Variants in PLPPR1 observed in about 807,000 individuals in gnomAD.
The protein encoded by PLPPR1 is phospholipid phosphatase-related protein type 1.
A neutral mutation model predicts 33.1 loss-of-function variants in PLPPR1; 10 were observed. The observed-to-expected ratio is 0.30, with a 90% CI of 0.19 to 0.51. The LOEUF (loss-of-function observed/expected upper bound fraction) is 0.51, where lower values mean the gene tolerates loss of function less well. Among genes scored for constraint, PLPPR1 ranks in the 20% least tolerant of loss-of-function variants. PLPPR1 has a pLI of 0.97. For missense variants in PLPPR1, 304 were observed against 408.1 expected (o/e 0.74, Z 2.20); for synonymous variants, 151 against 151.0 (o/e 1.00, Z 0.00).
At chr9:101,144,797 C>A (rs1831501340) in intron 1 of PLPPR1, among the ~76,000 whole-genome samples, 1 of 152,182 alleles carries the variant, frequency 6.6e-6, no homozygotes, top group Non-Finnish European at 1.5e-5. Flanking sequence ...GTCTGAAGAA[C>A]ATTTTGCTAA....
intron 2 of PLPPR1, among the ~76,000 whole-genome samples, chr9:101,189,890 TTGGCACTC>T (rs150984375): frequency 0.015 from 2,284 of 152,262 alleles, 59 homozygotes; most frequent in African/African-American, 0.052. Flanking sequence ...TCTGAAAATA[TTGGCACTC>T]TGATCCTCCT....
intron 4 of PLPPR1, among the ~76,000 whole-genome samples, chr9:101,294,031 G>C (rs1055410623): frequency 2.0e-5 from 3 of 152,058 alleles, no homozygotes; most frequent in Non-Finnish European, 1.5e-5. Context: ...TTTTTGAAAG[G>C]ATCAACAAAA....
chr9:101,222,456 T>A (rs1327776627), intron 2 of PLPPR1, among the ~76,000 whole-genome samples: 1 of 152,140 alleles, frequency 6.6e-6, no homozygotes, highest in East Asian at 1.9e-4. Context: ...TTAAAGATGG[T>A]ATGAGGTGGG....
intron 1 of PLPPR1, among the ~76,000 whole-genome samples, chr9:101,154,663 G>A (rs537431176): frequency 7.3e-4 from 111 of 152,110 alleles, no homozygotes; most frequent in Middle Eastern, 3.4e-3. Context: ...ACATGCACAC[G>A]TATGTTTATT....
chr9:101,068,134 A>T (rs905205730), intron 1 of PLPPR1, among the ~76,000 whole-genome samples: 1 of 152,148 alleles, frequency 6.6e-6, no homozygotes, highest in Non-Finnish European at 1.5e-5. Context: ...ACATTTATTG[A>T]GCAAATACCA....
Position 101,218,846 on chromosome 9 carries a change from TG to T in PLPPR1, c.63+33292del, listed in dbSNP as rs528309167. ...ATTATAAAGATTTCACCAACAGAAATGGGAAAAGAATTACTGGAATGCTTTC... is the reference window on the plus strand; with the variant it reads ...ATTATAAAGATTTCACCAACAGAAATGGAAAAGAATTACTGGAATGCTTTC... On this transcript the variant is annotated intron_variant, in intron 2 of 7. Coordinates refer to ENST00000374874, the MANE Select transcript of PLPPR1 (RefSeq NM_207299.2). Among the ~76,000 whole-genome samples the T allele has an allele frequency of 2.2e-3, 339 of 152,070 alleles. 2 individuals carry two copies. The highest frequency in any genetic ancestry group is 0.013 in the South Asian group (62 of 4,810).
intron 2 of PLPPR1, among the ~76,000 whole-genome samples, chr9:101,203,693 G>T (rs778183324): frequency 1.5e-5 from 1 of 65,480 alleles, no homozygotes; most frequent in Admixed American, 1.7e-4. Flanking sequence ...ATACACATTA[G>T]ATACATTATA....
chr9:101,033,889 A>G (rs1307628169), intron 1 of PLPPR1, among the ~76,000 whole-genome samples: 2 of 152,202 alleles, frequency 1.3e-5, no homozygotes, highest in Non-Finnish European at 2.9e-5. Flanking sequence ...AAATGTATAA[A>G]TTACCAGGAT....
At chr9:101,055,113 A>G (rs1259122181) in intron 1 of PLPPR1, among the ~76,000 whole-genome samples, 1 of 152,264 alleles carries the variant, frequency 6.6e-6, no homozygotes, top group African/African-American at 2.4e-5. Flanking sequence ...TAAAATGGTT[A>G]TCATTAGGAT....
chr9:101,112,177 AC>A (rs1209247465), intron 1 of PLPPR1, among the ~76,000 whole-genome samples: 1 of 152,160 alleles, frequency 6.6e-6, no homozygotes, highest in Non-Finnish European at 1.5e-5. Context: ...TCACTTAGAA[AC>A]TTTTGTGTCA....
intron 2 of PLPPR1, among the ~76,000 whole-genome samples, chr9:101,224,746 C>T (rs1827026718): frequency 6.6e-6 from 1 of 152,270 alleles, no homozygotes; most frequent in South Asian, 2.1e-4. Flanking sequence ...TCTGGGTACT[C>T]TACCTTCCTT....
At chr9:101,087,364 T>C (rs1345134711) in intron 1 of PLPPR1, among the ~76,000 whole-genome samples, 2 of 152,206 alleles carry the variant, frequency 1.3e-5, no homozygotes, top group East Asian at 3.8e-4. Context: ...TTTATTCTGC[T>C]AGTCTTTTCT....
chr9:101,126,781 C>T (rs1196690783), intron 1 of PLPPR1, among the ~76,000 whole-genome samples: 1 of 152,104 alleles, frequency 6.6e-6, no homozygotes, highest in Non-Finnish European at 1.5e-5. Flanking sequence ...GTTTCTGTTC[C>T]TCACATTCAG....
At chr9:101,288,496 A>G (rs1462261754) in intron 4 of PLPPR1, among the ~76,000 whole-genome samples, 1 of 152,158 alleles carries the variant, frequency 6.6e-6, no homozygotes, top group Non-Finnish European at 1.5e-5. Flanking sequence ...AAAAGATAAC[A>G]TTTAAACTTT....
At chr9:101,313,048 A>C in intron 6 of PLPPR1, 74 bp downstream of exon 6, 1 of 1,350,016 alleles carries the variant, frequency 7.4e-7, no homozygotes, top group Non-Finnish European at 1.1e-6. Context: ...GGTTTCCCAG[A>C]CTTCACCATC....
intron 1 of PLPPR1, among the ~76,000 whole-genome samples, chr9:101,081,232 T>G (rs1007427127): frequency 6.6e-6 from 1 of 152,188 alleles, no homozygotes; most frequent in African/African-American, 2.4e-5. Context: ...TTTTATTTTT[T>G]TGAGACAGAG....
intron 2 of PLPPR1, among the ~76,000 whole-genome samples, chr9:101,243,992 G>C (rs748297949): frequency 1.3e-5 from 2 of 151,782 alleles, no homozygotes; most frequent in Non-Finnish European, 2.9e-5. Context: ...ATTGATGAAA[G>C]AGACTTGAGA....
chr9:101,072,275 T>C (rs1299898978), intron 1 of PLPPR1, among the ~76,000 whole-genome samples: 2 of 152,162 alleles, frequency 1.3e-5, no homozygotes, highest in Non-Finnish European at 2.9e-5. Context: ...GTCTTCCTTA[T>C]GTGTTGCGGC....
intron 2 of PLPPR1, among the ~76,000 whole-genome samples, chr9:101,207,323 C>T (rs1826608581): frequency 6.6e-6 from 1 of 152,092 alleles, no homozygotes; most frequent in South Asian, 2.1e-4. Context: ...ACCAGATTAC[C>T]TGCAGTATTA....
Sources: gnomAD v4.1 joint callset for allele counts (sites outside exome capture counted in the v4.1 genomes callset) on GRCh38, gnomAD v4.1.1 for gene constraint, MANE v1.5 for transcripts, NCBI Gene and HGNC (gene_info 2026-07-23, HGNC 2026-07-21) for gene names.